Variants in SH3RF3 observed in about 807,000 individuals in gnomAD.
SH3RF3 encodes the protein SH3 domain containing ring finger 3.
SH3RF3 carries 29 observed loss-of-function variants against 66.3 expected under a neutral mutation model. That is an observed-to-expected ratio of 0.44 (90% CI 0.33 to 0.60). The LOEUF is 0.60. SH3RF3 is among the 20% of genes least tolerant of loss of function. The pLI is 0.04. For synonymous variants in SH3RF3, 583 were observed against 532.0 expected, an observed-to-expected ratio of 1.10 and a Z score of -1.32; for missense variants, 1,194 against 1,190.9, an observed-to-expected ratio of 1.00 and a Z score of -0.04.
intron 1 of SH3RF3, among the ~76,000 whole-genome samples, chr2:109,178,724 C>T (rs1677990260): frequency 1.3e-5 from 2 of 152,298 alleles, no homozygotes; most frequent in East Asian, 1.9e-4. Context: ...ATCTAATTAA[C>T]ATTTTTAATT....
chr2:109,241,278 C>A (rs1414079429), intron 1 of SH3RF3, among the ~76,000 whole-genome samples: 1 of 135,526 alleles, frequency 7.4e-6, no homozygotes, highest in Non-Finnish European at 1.6e-5. Flanking sequence ...ACAGAAAAGA[C>A]AAATTCATTT....
At chr2:109,440,460 C>T (rs368172191) in intron 7 of SH3RF3, among the ~76,000 whole-genome samples, 3 of 152,144 alleles carry the variant, frequency 2.0e-5, no homozygotes, top group African/African-American at 7.2e-5. Flanking sequence ...TAAGGGGGCA[C>T]ATCAAAGGGT....
chr2:109,398,410 A>G (rs1387013794), intron 3 of SH3RF3, among the ~76,000 whole-genome samples, 180 bp from the exon 4 acceptor site: 2 of 152,148 alleles, frequency 1.3e-5, no homozygotes, highest in African/African-American at 4.8e-5. Flanking sequence ...AGCTGCTCCA[A>G]AAACCTTTTC....
chr2:109,334,900 T>C (rs777711501), intron 1 of SH3RF3, among the ~76,000 whole-genome samples: 11 of 152,244 alleles, frequency 7.2e-5, no homozygotes, highest in Non-Finnish European at 8.8e-5. Context: ...TGAGAAGCCT[T>C]CTTTTTGCTT....
At chr2:109,238,244 C>G (rs1043153122) in intron 1 of SH3RF3, among the ~76,000 whole-genome samples, 1 of 151,852 alleles carries the variant, frequency 6.6e-6, no homozygotes, top group African/African-American at 2.4e-5. Context: ...AAGACTAATT[C>G]AATAGAAAAG....
At chr2:109,491,465 A>G (rs2104384303) in intron 9 of SH3RF3, among the ~76,000 whole-genome samples, 1 of 152,312 alleles carries the variant, frequency 6.6e-6, no homozygotes, top group East Asian at 1.9e-4. Context: ...ACCCTTTGAA[A>G]TTGCCCATAT....
intron 6 of SH3RF3, among the ~76,000 whole-genome samples, chr2:109,434,183 C>T (rs1019984725): frequency 1.3e-5 from 2 of 152,220 alleles, no homozygotes; most frequent in Non-Finnish European, 2.9e-5. Flanking sequence ...CCAGCTGGCA[C>T]CCTCCAGGAA....
chr2:109,298,910 C>A (rs1030170229), intron 1 of SH3RF3, among the ~76,000 whole-genome samples: 1 of 152,200 alleles, frequency 6.6e-6, no homozygotes, highest in Non-Finnish European at 1.5e-5. Context: ...TGCCAGTCCT[C>A]AACTCAGAAT....
intron 1 of SH3RF3, among the ~76,000 whole-genome samples, chr2:109,250,927 A>G (rs1396642656): frequency 6.6e-6 from 1 of 152,128 alleles, no homozygotes; most frequent in Non-Finnish European, 1.5e-5. Flanking sequence ...TATCTTTTTA[A>G]ATTTCTAAAT....
At chr2:109,152,082 A>G (rs890714020) in intron 1 of SH3RF3, among the ~76,000 whole-genome samples, 1 of 152,212 alleles carries the variant, frequency 6.6e-6, no homozygotes, top group Non-Finnish European at 1.5e-5. Flanking sequence ...AGTGGTCTTG[A>G]TGGACATGGA....
At chr2:109,214,388 A>G (rs1313203979) in intron 1 of SH3RF3, among the ~76,000 whole-genome samples, 1 of 151,810 alleles carries the variant, frequency 6.6e-6, no homozygotes, top group African/African-American at 2.4e-5. Context: ...TGTGCTGTGT[A>G]GAGAGTTCTT....
intron 2 of SH3RF3, among the ~76,000 whole-genome samples, chr2:109,355,862 CTT>C (rs1231668660): frequency 6.6e-6 from 1 of 152,196 alleles, no homozygotes; most frequent in African/African-American, 2.4e-5. Flanking sequence ...CTATTTCCTC[CTT>C]CCTTGTCCTT....
intron 8 of SH3RF3, among the ~76,000 whole-genome samples, chr2:109,462,047 T>C (rs1486758668): frequency 6.6e-6 from 1 of 151,842 alleles, no homozygotes; most frequent in Admixed American, 6.6e-5. Flanking sequence ...TTCACTGAGG[T>C]AGAAGGCCTT....
intron 8 of SH3RF3, among the ~76,000 whole-genome samples, chr2:109,476,240 C>T (rs900619214): frequency 6.6e-6 from 1 of 152,224 alleles, no homozygotes; most frequent in Non-Finnish European, 1.5e-5. Flanking sequence ...TGCTAGCACC[C>T]ACAGCACAAA....
chr2:109,464,372 G>A (rs1041030338), intron 8 of SH3RF3, among the ~76,000 whole-genome samples: 6 of 152,172 alleles, frequency 3.9e-5, no homozygotes, highest in African/African-American at 1.4e-4. Flanking sequence ...GCATATTTAT[G>A]TATATACATC....
chr2:109,445,405 G>A (rs1677676973), intron 7 of SH3RF3, among the ~76,000 whole-genome samples: 1 of 152,058 alleles, frequency 6.6e-6, no homozygotes, highest in African/African-American at 2.4e-5. Context: ...AAGCATCAAA[G>A]GATAAGGAAA....
At chr2:109,400,549 G>T (rs183184269) in intron 4 of SH3RF3, among the ~76,000 whole-genome samples, 1 of 148,392 alleles carries the variant, frequency 6.7e-6, no homozygotes, top group Non-Finnish European at 1.5e-5. Flanking sequence ...GCACACACAC[G>T]TACGTATACA....
chr2:109,223,810 T>C (rs1348406363), intron 1 of SH3RF3, among the ~76,000 whole-genome samples: 1 of 152,202 alleles, frequency 6.6e-6, no homozygotes, highest in Non-Finnish European at 1.5e-5. Context: ...GTTCAATACA[T>C]GTTTGTGCAG....
chr2:109,133,160 C>T (rs535474053), intron 1 of SH3RF3, among the ~76,000 whole-genome samples: 1 of 152,270 alleles, frequency 6.6e-6, no homozygotes, highest in East Asian at 1.9e-4. Context: ...GGTGTCACTC[C>T]AGAATTCTGT....
Sources: gnomAD v4.1 joint callset for allele counts (sites outside exome capture counted in the v4.1 genomes callset) on GRCh38, gnomAD v4.1.1 for gene constraint, MANE v1.5 for transcripts, NCBI Gene and HGNC (gene_info 2026-07-23, HGNC 2026-07-21) for gene names.